The following TMEM178B variants were observed in gnomAD, a reference collection of about 807,000 sequenced individuals.
TMEM178B encodes transmembrane protein 178B.
TMEM178B carries 5 observed loss-of-function variants against 31.0 expected under a neutral mutation model. That is an observed-to-expected ratio of 0.16 (90% CI 0.08 to 0.34). The LOEUF is 0.34. TMEM178B is among the 10% of genes least tolerant of loss of function. The pLI, the probability that TMEM178B is intolerant of heterozygous loss-of-function variation, is 1.00. For synonymous variants in TMEM178B, 164 were observed against 164.0 expected, an observed-to-expected ratio of 1.00 and a Z score of 0.00; for missense variants, 275 against 400.3, an observed-to-expected ratio of 0.69 and a Z score of 2.67.
intron 3 of TMEM178B, among the ~76,000 whole-genome samples, chr7:141,450,962 G>T (rs929911330): frequency 2.6e-5 from 4 of 152,146 alleles, no homozygotes; most frequent in African/African-American, 9.7e-5. Context: ...TAAAACAAAA[G>T]GTTACTGGGA....
chr7:141,243,660 T>G (rs1236941116), intron 2 of TMEM178B, among the ~76,000 whole-genome samples: 1 of 152,084 alleles, frequency 6.6e-6, no homozygotes, highest in Non-Finnish European at 1.5e-5. Context: ...TCTTTGTGGT[T>G]CCCCTACTGT....
At chr7:141,372,545 C>T (rs1299630483) in intron 2 of TMEM178B, among the ~76,000 whole-genome samples, 2 of 152,170 alleles carry the variant, frequency 1.3e-5, no homozygotes, top group Non-Finnish European at 2.9e-5. Context: ...TTCCCAAAGC[C>T]CATTGCCTCT....
intron 1 of TMEM178B, among the ~76,000 whole-genome samples, chr7:141,112,362 C>T (rs1795247426): frequency 6.6e-6 from 1 of 152,164 alleles, no homozygotes; most frequent in Non-Finnish European, 1.5e-5. Context: ...AAGCAATCCT[C>T]TCACCTCAGC....
At chr7:141,358,549 A>G (rs949375885) in intron 2 of TMEM178B, among the ~76,000 whole-genome samples, 1 of 152,170 alleles carries the variant, frequency 6.6e-6, no homozygotes, top group African/African-American at 2.4e-5. Flanking sequence ...CTTTGTATAC[A>G]TGAACTTCCA....
At chr7:141,186,882 T>C (rs936964789) in intron 1 of TMEM178B, among the ~76,000 whole-genome samples, 1 of 152,228 alleles carries the variant, frequency 6.6e-6, no homozygotes, top group South Asian at 2.1e-4. Context: ...CAAATCCATG[T>C]GGATGGCACA....
At chr7:141,501,683 G>T in the TMEM178B span, among the ~76,000 whole-genome samples, 2 of 152,184 alleles carry the variant, frequency 1.3e-5, no homozygotes, top group Non-Finnish European at 2.9e-5. Context: ...ACAGAGTGAA[G>T]TCCCCAGAAG....
chr7:141,165,706 G>A (rs1297218726), intron 1 of TMEM178B, among the ~76,000 whole-genome samples: 2 of 152,208 alleles, frequency 1.3e-5, no homozygotes, highest in East Asian at 3.8e-4. Flanking sequence ...CTGGAATTTA[G>A]TGTAGTGTAA....
Position 141,414,276 on chromosome 7 carries a change from G to A in TMEM178B, c.497-23332G>A, listed in dbSNP as rs1301245000. 17 of 40,834 alleles carry A rather than the reference G, an allele frequency of 4.2e-4. 7 individuals carry two copies. In the South Asian group the frequency reaches 8.6e-3, roughly 21 times the overall value. The allele number at this position is 40,834 out of a possible 1,614,324, so 2.5% of individuals were successfully genotyped here. ...ATTTTTTGTATTTTTAGTAGAGACG[G>A]GGTTTCACCGTGTTAGCCAAGATGG... On this transcript the variant is annotated intron_variant, in intron 2 of 3. Coordinates refer to ENST00000565468, the MANE Select transcript of TMEM178B (RefSeq NM_001195278.2).
chr7:141,481,595 A>C (rs943804315), downstream of TMEM178B, among the ~76,000 whole-genome samples: 1 of 152,172 alleles, frequency 6.6e-6, no homozygotes, highest in African/African-American at 2.4e-5. Flanking sequence ...ATATAGAGTA[A>C]TATCAGCTGT....
the TMEM178B span, among the ~76,000 whole-genome samples, chr7:141,507,663 G>A: frequency 3.5e-3 from 534 of 152,356 alleles, 2 homozygotes; most frequent in African/African-American, 9.8e-3. Flanking sequence ...GCGCCACCGC[G>A]CCTGGCCCAA....
At chr7:141,089,390 G>C (rs1440686542) in intron 1 of TMEM178B, among the ~76,000 whole-genome samples, 2 of 152,184 alleles carry the variant, frequency 1.3e-5, no homozygotes, top group Non-Finnish European at 2.9e-5. Flanking sequence ...GGATAAATAG[G>C]AACACTTTTA....
In TMEM178B at chr7:141,422,042, C is replaced by T. The variant is rs1178005214; in HGVS notation, c.497-15566C>T. Among the ~76,000 whole-genome samples the T allele has an allele frequency of 6.6e-6, 1 of 152,202 alleles. No individual in the cohort carries two copies. The highest frequency in any genetic ancestry group is 2.4e-5 in the African/African-American group (1 of 41,456). On this transcript the variant is annotated intron_variant, in intron 2 of 3. Transcript: ENST00000565468. This position sits in a 1 kb window ranked among gnomAD's most constrained non-coding sequence, Gnocchi z 4.2. The stretch of plus-strand genomic sequence containing the variant: ...TATTAATATTTAGTTTACATCTTCT[C>T]CCTTTCCCAGCTCGGGCTTGACATT...
At chr7:141,276,700 A>G (rs1361372349) in intron 2 of TMEM178B, among the ~76,000 whole-genome samples, 6 of 152,110 alleles carry the variant, frequency 3.9e-5, no homozygotes, top group Non-Finnish European at 7.4e-5. Context: ...GACACAGCCA[A>G]ACCATATCAG....
chr7:141,430,546 C>G (rs1181735), intron 2 of TMEM178B, among the ~76,000 whole-genome samples: 33,344 of 152,066 alleles, frequency 0.22, 3,912 homozygotes, highest in African/African-American at 0.28. Context: ...TCCCAGCACC[C>G]TGGCTGCGGA....
intron 2 of TMEM178B, among the ~76,000 whole-genome samples, chr7:141,297,631 T>A (rs1798658001): frequency 6.6e-6 from 1 of 152,176 alleles, no homozygotes; most frequent in African/African-American, 2.4e-5. Flanking sequence ...CTTGCGATAG[T>A]TTGCTGAGAA....
At chr7:141,119,879 A>G (rs1186406533) in intron 1 of TMEM178B, among the ~76,000 whole-genome samples, 1 of 152,130 alleles carries the variant, frequency 6.6e-6, no homozygotes, top group East Asian at 1.9e-4. Flanking sequence ...GGAGGCCTGG[A>G]GCAGGGCAGA....
chr7:141,343,204 G>A (rs369023166), intron 2 of TMEM178B, among the ~76,000 whole-genome samples: 3 of 152,274 alleles, frequency 2.0e-5, no homozygotes, highest in African/African-American at 2.4e-5. Flanking sequence ...ATTCATCCCC[G>A]TACCACTCGC....
chr7:141,214,255 C>T (rs897990936), intron 2 of TMEM178B, among the ~76,000 whole-genome samples: 7 of 152,066 alleles, frequency 4.6e-5, no homozygotes, highest in Admixed American at 3.3e-4. Context: ...TTATGGGGGT[C>T]GTAATAGGAT....
intron 2 of TMEM178B, among the ~76,000 whole-genome samples, chr7:141,352,983 T>C (rs1269478537): frequency 6.6e-6 from 1 of 152,134 alleles, no homozygotes; most frequent in Non-Finnish European, 1.5e-5. Flanking sequence ...TTCACAGTTG[T>C]TTTCAAATTA....
Sources: gnomAD v4.1 joint callset for allele counts (sites outside exome capture counted in the v4.1 genomes callset) on GRCh38, gnomAD v4.1.1 for gene constraint, Gnocchi (gnomAD v3.1) non-coding constraint, MANE v1.5 for transcripts, NCBI Gene and HGNC (gene_info 2026-07-23, HGNC 2026-07-21) for gene names.